Variants in RNF130 observed in about 807,000 individuals in gnomAD.
The protein encoded by RNF130 is ring finger protein 130.
In RNF130, 21 loss-of-function variants were observed where a neutral mutation model predicts 44.6. That is an observed-to-expected ratio of 0.47 (90% CI 0.33 to 0.68). The LOEUF (loss-of-function observed/expected upper bound fraction) is 0.68, where lower values mean the gene tolerates loss of function less well. RNF130 is among the 30% of genes least tolerant of loss of function. RNF130 has a pLI of 0.02. For missense variants in RNF130, 479 were observed against 560.6 expected, an observed-to-expected ratio of 0.85 and a Z score of 1.47; for synonymous variants, 214 against 210.4, an observed-to-expected ratio of 1.02 and a Z score of -0.15.
At chr5:179,950,491 T>C (rs1262134453), downstream of RNF130, among the ~76,000 whole-genome samples, 1 of 152,226 alleles carries the variant, frequency 6.6e-6, no homozygotes, top group Non-Finnish European at 1.5e-5. Context: ...TGCAAATGCA[T>C]GCACATGTGC....
At chr5:180,002,895 T>C (rs957665808) in intron 3 of RNF130, among the ~76,000 whole-genome samples, 15 of 152,136 alleles carry the variant, frequency 9.9e-5, no homozygotes, top group Admixed American at 1.3e-4. Flanking sequence ...AATGGGTCAT[T>C]TTCCTAAGGT....
At chr5:180,006,746 G>A (rs951877014) in intron 3 of RNF130, among the ~76,000 whole-genome samples, 1 of 152,138 alleles carries the variant, frequency 6.6e-6, no homozygotes, top group African/African-American at 2.4e-5. Context: ...CCATGTAACT[G>A]TTAAACATTT....
intron 7 of RNF130, among the ~76,000 whole-genome samples, chr5:179,936,232 G>A (rs1047696375): frequency 7.9e-5 from 12 of 152,028 alleles, no homozygotes; most frequent in African/African-American, 2.9e-4. Flanking sequence ...AGCAATCTGA[G>A]GCCTCAGCCT....
intron 2 of RNF130, among the ~76,000 whole-genome samples, chr5:180,013,964 C>A (rs2113087190): frequency 6.6e-6 from 1 of 152,302 alleles, no homozygotes; most frequent in East Asian, 1.9e-4. Flanking sequence ...TAACTTGGGT[C>A]TTATGTCCAG....
intron 7 of RNF130, among the ~76,000 whole-genome samples, chr5:179,937,918 G>T (rs1456480990): frequency 7.4e-6 from 1 of 135,006 alleles, no homozygotes; most frequent in South Asian, 2.5e-4. Context: ...GTGTGTGTGT[G>T]TGTGTGTGTG....
intron 7 of RNF130, among the ~76,000 whole-genome samples, chr5:179,934,811 G>A (rs1383273064): frequency 3.3e-5 from 5 of 152,048 alleles, no homozygotes; most frequent in African/African-American, 4.8e-5. Flanking sequence ...CCCGGGTCAC[G>A]TAATTCCAGG....
At chr5:180,004,604 A>C (rs1763422167) in intron 3 of RNF130, among the ~76,000 whole-genome samples, 2 of 152,260 alleles carry the variant, frequency 1.3e-5, no homozygotes, top group Admixed American at 6.5e-5. Context: ...AATAAACACC[A>C]TTCTATATTT....
intron 1 of RNF130, among the ~76,000 whole-genome samples, chr5:180,066,702 T>C (rs999942003): frequency 6.6e-6 from 1 of 152,074 alleles, no homozygotes; most frequent in East Asian, 1.9e-4. Context: ...CCGTGCTTGG[T>C]GGCACATGCC....
chr5:180,021,685 T>C (rs1367993374), intron 2 of RNF130, among the ~76,000 whole-genome samples: 1 of 152,076 alleles, frequency 6.6e-6, no homozygotes, highest in Non-Finnish European at 1.5e-5. Context: ...ATATAAAAAC[T>C]TTTAAAACCT....
intron 7 of RNF130, among the ~76,000 whole-genome samples, chr5:179,922,917 G>GA (rs1308323405): frequency 8.0e-5 from 12 of 150,816 alleles, no homozygotes; most frequent in East Asian, 2.0e-4. Context: ...CTGTGCTACA[G>GA]AAAAAAAAAT....
downstream of RNF130, among the ~76,000 whole-genome samples, chr5:179,952,759 T>A (rs1443271964): frequency 6.6e-6 from 1 of 152,160 alleles, no homozygotes; most frequent in Non-Finnish European, 1.5e-5. Flanking sequence ...ATCATCCCAA[T>A]AGACACAAAG....
At chr5:179,969,670 C>A (rs1452354385) in intron 6 of RNF130, among the ~76,000 whole-genome samples, 1 of 151,376 alleles carries the variant, frequency 6.6e-6, no homozygotes, top group Non-Finnish European at 1.5e-5. Flanking sequence ...GAGTTGAGAC[C>A]CGCCTGAACA....
intron 1 of RNF130, among the ~76,000 whole-genome samples, chr5:180,065,526 C>T (rs1304553564): frequency 1.3e-5 from 2 of 151,990 alleles, no homozygotes; most frequent in Admixed American, 6.6e-5. Context: ...TTTGGGAGGC[C>T]GAGACAGGCG....
At chr5:180,059,116 C>A (rs919743510) in intron 1 of RNF130, among the ~76,000 whole-genome samples, 1 of 152,192 alleles carries the variant, frequency 6.6e-6, no homozygotes, top group Non-Finnish European at 1.5e-5. Context: ...CACTCTCCCC[C>A]TTACTCTCTA....
intron 7 of RNF130, among the ~76,000 whole-genome samples, chr5:179,930,784 A>G (rs1319231589): frequency 6.6e-6 from 1 of 151,892 alleles, no homozygotes; most frequent in Non-Finnish European, 1.5e-5. Flanking sequence ...CATGCCTGTA[A>G]TCCCAGCACT....
chr5:179,917,478 A>C (rs573476937), exon 8 of RNF130: 2 of 152,422 alleles, frequency 1.3e-5, no homozygotes, highest in East Asian at 3.9e-4. Context: ...TGCTGGTGGC[A>C]AGACTTGCAA....
At chr5:180,020,514 G>A (rs1016211202) in intron 2 of RNF130, among the ~76,000 whole-genome samples, 15 of 152,152 alleles carry the variant, frequency 9.9e-5, no homozygotes, top group South Asian at 2.1e-4. Flanking sequence ...CTGGGAAGCC[G>A]AATGTGTAAG....
At chr5:179,946,908 G>A (rs995862708) in intron 7 of RNF130, among the ~76,000 whole-genome samples, 1 of 152,092 alleles carries the variant, frequency 6.6e-6, no homozygotes, top group African/African-American at 2.4e-5. Flanking sequence ...TTAGCCTCGG[G>A]CTGATCTCAG....
chr5:179,982,742 A>G (rs1429482979), intron 3 of RNF130, among the ~76,000 whole-genome samples: 1 of 152,088 alleles, frequency 6.6e-6, no homozygotes, highest in East Asian at 1.9e-4. Context: ...ACCATGACCA[A>G]CTGATTTTTT....
Sources: allele counts gnomAD v4.1 joint callset (sites outside exome capture counted in the v4.1 genomes callset), GRCh38; gene constraint gnomAD v4.1.1; transcripts MANE v1.5; gene names NCBI Gene and HGNC (gene_info 2026-07-23, HGNC 2026-07-21).